The following EPS8 variants were observed in gnomAD, a reference collection of about 807,000 sequenced individuals.
EPS8 encodes the protein epidermal growth factor receptor kinase substrate 8.
In EPS8, 42 loss-of-function variants were observed where a neutral mutation model predicts 103.8. The observed-to-expected ratio is 0.40, with a 90% confidence interval of 0.32 to 0.52. The LOEUF (loss-of-function observed/expected upper bound fraction) is 0.52. EPS8 is among the 20% of genes least tolerant of loss of function. EPS8 has a pLI of 0.40. For missense variants in EPS8, 969 were observed against 1,005.1 expected (o/e 0.96, Z 0.49); for synonymous variants, 344 against 344.6 (o/e 1.00, Z 0.02).
chr12:15,735,820 A>T lies in EPS8; in HGVS notation c.-21-52848T>A, dbSNP rs1946762049. Reference sequence around the variant, plus strand: ...TCAATTAAATATTTAAACAATCCATAATTGGCAATATTTTTAAAAACTTAT... The same window carrying T: ...TCAATTAAATATTTAAACAATCCATTATTGGCAATATTTTTAAAAACTTAT... On this transcript the variant is annotated intron_variant, in intron 1 of 20. Coordinates refer to ENST00000281172, the MANE Select transcript of EPS8 (RefSeq NM_004447.6). This position sits in a 1 kb window ranked among gnomAD's most constrained non-coding sequence, Gnocchi z 4.4. Among the ~76,000 whole-genome samples, 1 of 152,226 alleles carries T rather than the reference A, an allele frequency of 6.6e-6. No individual in the cohort carries two copies. The highest frequency in any genetic ancestry group is 1.5e-5 in the Non-Finnish European group (1 of 68,048).
intron 3 of EPS8, among the ~76,000 whole-genome samples, chr12:15,679,496 T>C (rs1234905681): frequency 6.6e-6 from 1 of 152,192 alleles, no homozygotes; most frequent in Non-Finnish European, 1.5e-5. Flanking sequence ...AATCCTGAAG[T>C]GAACAAGACA....
rs1947243811 is a variant in EPS8, at chr12:15,780,013, G to A, written c.-22+9148C>T. The A allele has an allele frequency of 1.3e-5, 2 of 152,120 alleles. 1 individual carries two copies. Among genetic ancestry groups the A allele is most frequent in the South Asian group, 4.1e-4 (2 of 4,828 alleles). 9.4% of individuals were successfully genotyped at this position (152,120 alleles called of 1,614,324 possible). A position where few individuals can be genotyped will look rare whatever the true frequency, so the allele number is the denominator to read the frequency against. ...TCCAATTTCACCCAAAAACATGCAA[G>A]TTCTCTTTCTTAAATTCCATATAAT... On this transcript the variant is annotated intron_variant, in intron 1 of 20. Transcript: ENST00000281172. The surrounding 1 kb of genome is among the most constrained non-coding windows in gnomAD (Gnocchi z 4.1).
intron 1 of EPS8, among the ~76,000 whole-genome samples, chr12:15,755,279 C>T (rs548583202): frequency 5.9e-5 from 9 of 152,312 alleles, no homozygotes; most frequent in African/African-American, 1.7e-4. Context: ...CCAGCCTTTG[C>T]TTTTTTCTTG....
At chr12:15,737,353 T>C (rs1464588262) in intron 1 of EPS8, among the ~76,000 whole-genome samples, 2 of 151,972 alleles carry the variant, frequency 1.3e-5, no homozygotes, top group African/African-American at 2.4e-5. Context: ...ACAAACAAAA[T>C]AGTTTAGAAA....
rs140587522 is a variant in EPS8 at position 15,720,274 on chromosome 12, C to T, written c.-21-37302G>A. Among the ~76,000 whole-genome samples, 303 of 152,172 alleles carry T rather than the reference C, an allele frequency of 2.0e-3. 4 individuals are homozygous for T. The Middle Eastern group carries it at 0.031, about 15-fold the overall frequency. The stretch of plus-strand genomic sequence containing the variant: ...AGTTTTCTAAGTAATTCAAATATTT[C>T]CCCCTTGCTAGATAACACTTGGGAT... On this transcript the variant is annotated intron_variant, in intron 1 of 20. Transcript: ENST00000281172.
Position 15,701,274 on chromosome 12 carries a change from T to C in EPS8, c.-21-18302A>G, listed in dbSNP as rs982614519. On this transcript the variant is annotated intron_variant, in intron 1 of 20. Transcript: ENST00000281172. The surrounding 1 kb of genome is among the most constrained non-coding windows in gnomAD (Gnocchi z 5.1). ...CATTAATTCAATTGATAAGCATAAC[T>C]CTAAAAGGCAGGTACTACTTTTATC... Among the ~76,000 whole-genome samples the C allele has an allele frequency of 2.6e-5, 4 of 152,220 alleles. No homozygotes were observed. Among genetic ancestry groups the C allele is most frequent in the Non-Finnish European group, 5.9e-5 (4 of 68,042 alleles).
intron 1 of EPS8, among the ~76,000 whole-genome samples, chr12:15,711,498 G>C (rs1437743198): frequency 6.6e-6 from 1 of 152,102 alleles, no homozygotes; most frequent in Non-Finnish European, 1.5e-5. Flanking sequence ...GCAGACACAA[G>C]GGTATCTTAC....
Position 15,690,695 on chromosome 12 carries a change from C to A in EPS8, c.-21-7723G>T, listed in dbSNP as rs2135912817. 6.6e-6 allele frequency among the ~76,000 whole-genome samples: 1 copy of A among 152,254 alleles called. No individual in the cohort carries two copies. Among genetic ancestry groups the A allele is most frequent in the African/African-American group, 2.4e-5 (1 of 41,534 alleles). On this transcript the variant is annotated intron_variant, in intron 1 of 20. Transcript: ENST00000281172. This position sits in a 1 kb window ranked among gnomAD's most constrained non-coding sequence, Gnocchi z 4.7. Reference sequence around the variant, plus strand: ...ATACGTTGTATACTTTTCTAGGTATCAGACTGTATCAAGAGCAAAATGTAT... The same window carrying A: ...ATACGTTGTATACTTTTCTAGGTATAAGACTGTATCAAGAGCAAAATGTAT...
chr12:15,702,418 A>C lies in EPS8; in HGVS notation c.-21-19446T>G, dbSNP rs771314316. On this transcript the variant is annotated intron_variant, in intron 1 of 20. Coordinates refer to ENST00000281172, the MANE Select transcript of EPS8 (RefSeq NM_004447.6). This position sits in a 1 kb window ranked among gnomAD's most constrained non-coding sequence, Gnocchi z 5.1. ...TAGGAAGCACTTTTAAACTACAAAC[A>C]CTTCTGGGAGTAATAATGTATTATG... Among the ~76,000 whole-genome samples the C allele has an allele frequency of 6.6e-6, 1 of 152,124 alleles. No homozygotes were observed. The highest frequency in any genetic ancestry group is 2.4e-5 in the African/African-American group (1 of 41,428).
intron 4 of EPS8, among the ~76,000 whole-genome samples, chr12:15,670,354 GA>G (rs1288108807): frequency 2.6e-5 from 4 of 152,070 alleles, no homozygotes. Context: ...GACATAGGTA[GA>G]AAACTGAAAA....
rs1944839851 is a variant in EPS8 at position 15,620,161 on chromosome 12, A to C, written c.*1156T>G. On this transcript the variant is annotated 3_prime_UTR_variant, in exon 21 of 21. Coordinates refer to ENST00000281172, the MANE Select transcript of EPS8 (RefSeq NM_004447.6). ...TTTGCTAATGAGACAGAAACCATTT[A>C]TTAACAGACAGCAAATACTGTTTAT... The C allele has an allele frequency of 6.6e-6, 1 of 152,644 alleles. No individual in the cohort carries two copies. Among genetic ancestry groups the C allele is most frequent in the Admixed American group, 6.5e-5 (1 of 15,278 alleles). The allele number at this position is 152,644 out of a possible 1,614,324, so 9.5% of individuals were successfully genotyped here.
chr12:15,723,031 A>C (rs1946614954), intron 1 of EPS8, among the ~76,000 whole-genome samples: 1 of 151,824 alleles, frequency 6.6e-6, no homozygotes, highest in African/African-American at 2.4e-5. Context: ...CAAAAAAAAA[A>C]CATTTTTCAA....
intron 1 of EPS8, among the ~76,000 whole-genome samples, chr12:15,741,267 CAT>C (rs1438922398): frequency 6.6e-6 from 1 of 152,166 alleles, no homozygotes; most frequent in African/African-American, 2.4e-5. Flanking sequence ...CACTGTGACT[CAT>C]GTGCAGTCCT....
intron 1 of EPS8, among the ~76,000 whole-genome samples, chr12:15,753,537 T>C (rs1212653240): frequency 1.3e-5 from 2 of 152,186 alleles, no homozygotes; most frequent in East Asian, 3.9e-4. Flanking sequence ...TCGCATCAGA[T>C]TCAGTGGATA....
intron 1 of EPS8, among the ~76,000 whole-genome samples, chr12:15,758,041 C>G (rs1380314183): frequency 6.6e-6 from 1 of 152,146 alleles, no homozygotes; most frequent in Admixed American, 6.5e-5. Flanking sequence ...ATCTTCACAC[C>G]GCCTAGGCTT....
In EPS8 at chr12:15,624,218, G is replaced by A. The variant is rs763190908; in HGVS notation, c.2225+9C>T. 8 of 1,610,520 alleles carry A rather than the reference G, an allele frequency of 5.0e-6. 1 individual carries two copies. The South Asian group carries it at 7.7e-5, about 16-fold the overall frequency. ...CACAGAATTGCAAAGTATTCACAGA[G>A]AGACTCACACAGGGTTGAATCCCTT... On this transcript the variant is annotated intron_variant, in intron 19 of 20. Coordinates refer to ENST00000281172, the MANE Select transcript of EPS8 (RefSeq NM_004447.6).
rs1209741981 is a variant in EPS8 at position 15,700,799 on chromosome 12, G to C, written c.-21-17827C>G. On this transcript the variant is annotated intron_variant, in intron 1 of 20. Transcript: ENST00000281172. This position sits in a 1 kb window ranked among gnomAD's most constrained non-coding sequence, Gnocchi z 5.1. ...AAGACCACTTCCTGAAACACCCAAT[G>C]TTTTTCTTGGAAGGAAGTCCATACA... 6.6e-6 allele frequency among the ~76,000 whole-genome samples: 1 copy of C among 152,090 alleles called. No individual in the cohort carries two copies. Among genetic ancestry groups the C allele is most frequent in the African/African-American group, 2.4e-5 (1 of 41,400 alleles).
chr12:15,671,297 A>T (rs1945813162), intron 3 of EPS8, among the ~76,000 whole-genome samples: 1 of 152,156 alleles, frequency 6.6e-6, no homozygotes. Context: ...CACTGATATC[A>T]AAATGTAATT....
chr12:15,629,259 C>A (rs534680237), intron 18 of EPS8, among the ~76,000 whole-genome samples: 1 of 152,282 alleles, frequency 6.6e-6, no homozygotes, highest in African/African-American at 2.4e-5. Flanking sequence ...GGTTTCTCAG[C>A]GTGAACAAAG....
Sources: allele counts gnomAD v4.1 joint callset (sites outside exome capture counted in the v4.1 genomes callset), GRCh38; gene constraint gnomAD v4.1.1; non-coding constraint Gnocchi (gnomAD v3.1); transcripts MANE v1.5; gene names NCBI Gene and HGNC (gene_info 2026-07-23, HGNC 2026-07-21).